AGBL3: variants seen among roughly 807,000 people sequenced by gnomAD.
AGBL3 encodes the protein cytosolic carboxypeptidase 3.
A neutral mutation model predicts 94.5 loss-of-function variants in AGBL3; 68 were observed. That is an observed-to-expected ratio of 0.72 (90% CI 0.59 to 0.88). The LOEUF is 0.88. Ranked by LOEUF, AGBL3 falls within the 40% of genes least tolerant of loss-of-function variation. The probability of loss-of-function intolerance (pLI) is 0.00; values close to 1 mark genes in which losing one functional copy is unlikely to be tolerated. For synonymous variants in AGBL3, 354 were observed against 370.7 expected, an observed-to-expected ratio of 0.95 and a Z score of 0.52; for missense variants, 934 against 1,103.8, an observed-to-expected ratio of 0.85 and a Z score of 2.18.
chr7:135,016,793 A>C (rs1253610006), intron 4 of AGBL3, among the ~76,000 whole-genome samples: 1 of 152,220 alleles, frequency 6.6e-6, no homozygotes, highest in African/African-American at 2.4e-5. Flanking sequence ...TAAAATAGGT[A>C]TAAAATCAGT....
intron 5 of AGBL3, among the ~76,000 whole-genome samples, chr7:135,027,922 G>C (rs1815323523): frequency 6.6e-6 from 1 of 151,574 alleles, no homozygotes; most frequent in South Asian, 2.1e-4. Context: ...TGCAGGTTTA[G>C]TTCCAGACCA....
intron 15 of AGBL3, among the ~76,000 whole-genome samples, chr7:135,108,996 T>C (rs1420379381): frequency 1.3e-5 from 2 of 152,200 alleles, no homozygotes; most frequent in African/African-American, 2.4e-5. Flanking sequence ...CTTAGGGTTG[T>C]GTTGTGAAAT....
At chr7:135,107,209 C>A (rs562983157) in intron 15 of AGBL3, among the ~76,000 whole-genome samples, 8 of 152,098 alleles carry the variant, frequency 5.3e-5, no homozygotes, top group African/African-American at 1.9e-4. Flanking sequence ...ATGTCTCAGT[C>A]TCCTCCACTT....
chr7:135,020,444 C>T (rs1380665104), intron 5 of AGBL3, among the ~76,000 whole-genome samples: 3 of 152,150 alleles, frequency 2.0e-5, no homozygotes, highest in African/African-American at 7.2e-5. Flanking sequence ...AATAGGAACA[C>T]TTTTACACTG....
intron 16 of AGBL3, chr7:135,129,173 G>A: frequency 6.9e-7 from 1 of 1,443,788 alleles, no homozygotes; most frequent in Non-Finnish European, 9.8e-7. Context: ...CCTTGGACCT[G>A]ATGGCAGATG....
At chr7:135,019,812 G>A (rs1363937503) in intron 5 of AGBL3, among the ~76,000 whole-genome samples, 4 of 152,102 alleles carry the variant, frequency 2.6e-5, no homozygotes, top group African/African-American at 7.2e-5. Context: ...ACAAGAAATG[G>A]GGAAAGGATT....
intron 15 of AGBL3, among the ~76,000 whole-genome samples, chr7:135,091,002 G>A (rs1446238315): frequency 6.6e-6 from 1 of 152,156 alleles, no homozygotes; most frequent in Non-Finnish European, 1.5e-5. Flanking sequence ...TCCTTCAGCT[G>A]TGAGGAAGGA....
intron 7 of AGBL3, 137 bp downstream of exon 7, chr7:135,035,065 G>C: frequency 2.6e-6 from 2 of 783,746 alleles, no homozygotes; most frequent in South Asian, 3.2e-5. Context: ...TTTTTTCCCC[G>C]TTATTCACAA....
intron 15 of AGBL3, among the ~76,000 whole-genome samples, chr7:135,082,497 G>A (rs189508213): frequency 2.6e-5 from 4 of 151,918 alleles, no homozygotes; most frequent in African/African-American, 7.2e-5. Context: ...GTTGTCTAAT[G>A]AGTGCAAAAT....
intron 3 of AGBL3, among the ~76,000 whole-genome samples, chr7:134,991,798 T>A (rs1013851972): frequency 6.0e-5 from 9 of 150,974 alleles, no homozygotes; most frequent in Non-Finnish European, 1.2e-4. Flanking sequence ...TAATAAAAAA[T>A]AACTCCAAAC....
intron 16 of AGBL3, 92 bp from the exon 17 acceptor site, chr7:135,134,749 G>T (rs951494812): frequency 8.3e-7 from 1 of 1,208,936 alleles, no homozygotes; most frequent in African/African-American, 1.5e-5. Context: ...CTTACTAAAA[G>T]GAAAAATATT....
chr7:135,014,109 T>C (rs1001390569), intron 4 of AGBL3, among the ~76,000 whole-genome samples: 25 of 147,216 alleles, frequency 1.7e-4, no homozygotes, highest in Middle Eastern at 3.5e-3. Context: ...GGCAGGAGAA[T>C]TGCTTGAACC....
intron 4 of AGBL3, chr7:135,010,943 G>A (rs561450420): frequency 6.6e-5 from 10 of 152,262 alleles, no homozygotes; most frequent in East Asian, 1.9e-4. Context: ...AATCCCAATT[G>A]TGATTTTTTT....
At chr7:135,128,013 G>C (rs1172402855) in intron 16 of AGBL3, among the ~76,000 whole-genome samples, 2 of 152,044 alleles carry the variant, frequency 1.3e-5, no homozygotes, top group Admixed American at 1.3e-4. Flanking sequence ...AATGGGATCT[G>C]CCAGGCACGG....
intron 15 of AGBL3, among the ~76,000 whole-genome samples, chr7:135,104,384 G>A (rs1452281942): frequency 6.6e-6 from 1 of 152,012 alleles, no homozygotes; most frequent in Non-Finnish European, 1.5e-5. Flanking sequence ...GCGTTGCAGT[G>A]AACATACATA....
At chr7:135,074,113 T>C (rs931749827) in intron 12 of AGBL3, among the ~76,000 whole-genome samples, 2 of 152,244 alleles carry the variant, frequency 1.3e-5, no homozygotes, top group African/African-American at 4.8e-5. Context: ...TGTGAGGTGA[T>C]ACGTGTGTTA....
intron 15 of AGBL3, among the ~76,000 whole-genome samples, chr7:135,084,296 T>C (rs1231622013): frequency 2.0e-5 from 3 of 152,196 alleles, no homozygotes; most frequent in African/African-American, 7.2e-5. Context: ...AATGATCAAA[T>C]TGAGGTAATT....
At chr7:135,027,670 T>C (rs990260336) in intron 5 of AGBL3, among the ~76,000 whole-genome samples, 1 of 151,662 alleles carries the variant, frequency 6.6e-6, no homozygotes. Flanking sequence ...GTTGGCTTTT[T>C]TTTCTTTAAA....
At chr7:134,988,079 G>A (rs1469527104) in intron 2 of AGBL3, 83 bp downstream of exon 2, 2 of 1,064,760 alleles carry the variant, frequency 1.9e-6, no homozygotes, top group Non-Finnish European at 2.7e-6. Context: ...AAAATCAATT[G>A]GATATAAAAA....
Sources: gnomAD v4.1 joint callset for allele counts (sites outside exome capture counted in the v4.1 genomes callset) on GRCh38, gnomAD v4.1.1 for gene constraint, MANE v1.5 for transcripts, NCBI Gene and HGNC (gene_info 2026-07-23, HGNC 2026-07-21) for gene names.